Variants in IRS1 observed in about 807,000 individuals in gnomAD.
The protein encoded by IRS1 is insulin receptor substrate 1.
In IRS1, 34 loss-of-function variants were observed where a neutral mutation model predicts 65.6. The observed-to-expected ratio is 0.52, with a 90% CI of 0.39 to 0.69. The LOEUF (loss-of-function observed/expected upper bound fraction) is 0.69, where lower values mean the gene tolerates loss of function less well. Among genes scored for constraint, IRS1 ranks in the 30% least tolerant of loss-of-function variants. IRS1 has a pLI of 0.00. For synonymous variants in IRS1, 699 were observed against 683.5 expected, an observed-to-expected ratio of 1.02 and a Z score of -0.35; for missense variants, 1,641 against 1,720.2, an observed-to-expected ratio of 0.95 and a Z score of 0.81.
intron 1 of IRS1, among the ~76,000 whole-genome samples, chr2:226,752,744 T>C (rs1368084708): frequency 1.3e-5 from 2 of 152,216 alleles, no homozygotes; most frequent in African/African-American, 4.8e-5. Flanking sequence ...GAGAATGTAG[T>C]ATGTAACCTT....
At chr2:226,789,416 T>TAA in intron 1 of IRS1, among the ~76,000 whole-genome samples, 2 of 152,214 alleles carry the variant, frequency 1.3e-5, no homozygotes, top group Non-Finnish European at 2.9e-5. Flanking sequence ...ACAAAAAATC[T>TAA]GGACAACACT....
At chr2:226,775,803 T>C (rs1407056394) in intron 1 of IRS1, among the ~76,000 whole-genome samples, 3 of 152,244 alleles carry the variant, frequency 2.0e-5, no homozygotes, top group African/African-American at 7.2e-5. Context: ...TCCGGTATAC[T>C]GTAAATCATC....
chr2:226,785,693 C>T (rs1211416940), intron 1 of IRS1, among the ~76,000 whole-genome samples: 2 of 152,202 alleles, frequency 1.3e-5, no homozygotes, highest in Middle Eastern at 3.4e-3. Flanking sequence ...ATTTTTTAAC[C>T]TATGCTTTTC....
At chr2:226,758,583 A>G (rs1938849682) in intron 1 of IRS1, among the ~76,000 whole-genome samples, 1 of 152,220 alleles carries the variant, frequency 6.6e-6, no homozygotes, top group African/African-American at 2.4e-5. Flanking sequence ...GATATAATAT[A>G]GAAATAATTA....
chr2:226,763,675 T>C (rs1938966738), intron 1 of IRS1, among the ~76,000 whole-genome samples: 1 of 152,202 alleles, frequency 6.6e-6, no homozygotes, highest in African/African-American at 2.4e-5. Context: ...CTGGCCTTTC[T>C]CTCTTGGTTT....
At chr2:226,761,449 T>C (rs1285339680) in intron 1 of IRS1, among the ~76,000 whole-genome samples, 1 of 152,072 alleles carries the variant, frequency 6.6e-6, no homozygotes, top group Admixed American at 6.6e-5. Context: ...TATACCAACT[T>C]CCAAGAGCTC....
chr2:226,750,538 A>G (rs1212694196), intron 1 of IRS1, among the ~76,000 whole-genome samples: 1 of 152,206 alleles, frequency 6.6e-6, no homozygotes, highest in Non-Finnish European at 1.5e-5. Context: ...AGACCCAAAA[A>G]TGTCTTCAGT....
At chr2:226,776,286 C>T (rs923762387) in intron 1 of IRS1, among the ~76,000 whole-genome samples, 42 of 147,720 alleles carry the variant, frequency 2.8e-4, no homozygotes, top group Non-Finnish European at 5.5e-4. Flanking sequence ...GCCATGAGTC[C>T]ATACTAATAT....
At chr2:226,790,138 T>C (rs1574661068) in intron 1 of IRS1, among the ~76,000 whole-genome samples, 1 of 152,174 alleles carries the variant, frequency 6.6e-6, no homozygotes, top group East Asian at 1.9e-4. Context: ...CAAAGGAGGT[T>C]AGAATAATTT....
Position 226,798,842 on chromosome 2 carries a change from G to A in IRS1, c.-104C>T, listed in dbSNP as rs922782421. On this transcript the variant is annotated 5_prime_UTR_variant, in exon 1 of 2. Transcript: ENST00000305123. This position sits in a 1 kb window ranked among gnomAD's most constrained non-coding sequence, Gnocchi z 9.4. The stretch of plus-strand genomic sequence containing the variant: ...CGGCCCGGCACATGCAAACAGGGCT[G>A]GAGGCAGCAGAAACCCCGACTCTGA... 6 of 1,540,472 alleles carry A rather than the reference G, an allele frequency of 3.9e-6. No individual in the cohort carries two copies. The highest frequency in any genetic ancestry group is 5.3e-6 in the Non-Finnish European group (6 of 1,142,646).
intron 1 of IRS1, among the ~76,000 whole-genome samples, chr2:226,759,352 C>A (rs1313338467): frequency 2.0e-5 from 3 of 152,150 alleles, no homozygotes; most frequent in Non-Finnish European, 1.5e-5. Context: ...AATATAGTAC[C>A]AGCACTTAAT....
In IRS1 at chr2:226,796,690, G is replaced by A. The variant is rs1222729121; in HGVS notation, c.2049C>T (p.Ser683=). The change falls in exon 1 of 2, where the codon AGC becomes AGT. Residue 683 remains serine (S), a synonymous_variant. Transcript: ENST00000305123. ...CGGAAGGGACGGCGTTGCTGCTGCTGCTGCTGCTGCTGGGGCCACCTCCAA... is the reference window on the plus strand; with the variant it reads ...CGGAAGGGACGGCGTTGCTGCTGCTACTGCTGCTGCTGGGGCCACCTCCAA... ...PDIGGGPSSS[S]SSSNAVPSGT... The A allele has an allele frequency of 6.2e-7, 1 of 1,613,900 alleles. No homozygotes were observed. The highest frequency in any genetic ancestry group is 1.7e-5 in the Admixed American group (1 of 60,026).
At position 226,732,628 on chromosome 2, in the gene IRS1, CG is replaced by C. The variant is rs1304739589; in HGVS notation, c.*3643del. On this transcript the variant is annotated 3_prime_UTR_variant, in exon 2 of 2. Coordinates refer to ENST00000305123, the MANE Select transcript of IRS1 (RefSeq NM_005544.3). ...TATACACACACACATCCCACACACACGTCACATATATATACACACACACAAA... is the reference window on the plus strand; with the variant it reads ...TATACACACACACATCCCACACACACTCACATATATATACACACACACAAA... 1 of 150,198 alleles carries C rather than the reference CG, an allele frequency of 6.7e-6. No individual in the cohort carries two copies. The highest frequency in any genetic ancestry group is 2.5e-5 in the African/African-American group (1 of 40,722). The allele number at this position is 150,198 out of a possible 1,614,324, so 9.3% of individuals were successfully genotyped here. A position where few individuals can be genotyped will look rare whatever the true frequency, so the allele number is the denominator to read the frequency against.
chr2:226,742,725 A>G (rs1248638133), intron 1 of IRS1, among the ~76,000 whole-genome samples: 1 of 151,962 alleles, frequency 6.6e-6, no homozygotes, highest in Non-Finnish European at 1.5e-5. Flanking sequence ...AAAAAAAAAA[A>G]AAGAAGACCG....
intron 1 of IRS1, among the ~76,000 whole-genome samples, chr2:226,750,558 C>A (rs979219355): frequency 6.6e-6 from 1 of 152,178 alleles, no homozygotes; most frequent in South Asian, 2.1e-4. Context: ...TGACTACAAA[C>A]GTATTGTAAA....
rs774455090 is a variant in IRS1 at position 226,796,629 on chromosome 2, C to G, written c.2110G>C (p.Gly704Arg). Residue 704 changes from glycine to arginine, a missense_variant, in exon 1 of 2, where the codon GGG (glycine) becomes CGG (arginine). Around this residue, in one of 3 missense-constraint regions of IRS1, gnomAD observed 1,324 missense variants for 1,361.0 expected, o/e 0.97. Transcript: ENST00000305123. Reference sequence around the variant, plus strand: ...GGCAAGACATGAGAGTGGTGGCCCCCTACCCCGTTTGTCCACAGCTTTCCA... The same window carrying G: ...GGCAAGACATGAGAGTGGTGGCCCCGTACCCCGTTTGTCCACAGCTTTCCA... ...SYGKLWTNGV[G>R]GHHSHVLPHP... The G allele has an allele frequency of 2.2e-5, 36 of 1,613,832 alleles. No individual in the cohort carries two copies. Among genetic ancestry groups the G allele is most frequent in the Non-Finnish European group, 3.1e-5 (36 of 1,179,902 alleles).
At position 226,751,241 on chromosome 2, in the gene IRS1, T is replaced by C. The variant is rs1938671581; in HGVS notation, c.*22-14991A>G. On this transcript the variant is annotated intron_variant, in intron 1 of 1. Transcript: ENST00000305123. ...AGAGGACATTGGGGGAAAACTACAA[T>C]AGTTAGAATTCCTTAAAAGACTCCA... 2.7e-5 allele frequency among the ~76,000 whole-genome samples: 4 copies of C among 149,798 alleles called. No homozygotes were observed. In the South Asian group the frequency reaches 6.3e-4, roughly 24 times the overall value.
intron 1 of IRS1, among the ~76,000 whole-genome samples, chr2:226,739,647 G>T (rs1475782035): frequency 6.6e-6 from 1 of 152,170 alleles, no homozygotes; most frequent in Non-Finnish European, 1.5e-5. Flanking sequence ...TACAACACTT[G>T]CTCTGATGAG....
At chr2:226,744,541 G>A (rs369403326) in intron 1 of IRS1, among the ~76,000 whole-genome samples, 19 of 152,242 alleles carry the variant, frequency 1.2e-4, no homozygotes, top group Non-Finnish European at 1.9e-4. Context: ...GTTAGGAACC[G>A]GGCTCCACAG....
Sources: gnomAD v4.1 joint callset for allele counts (sites outside exome capture counted in the v4.1 genomes callset) on GRCh38, gnomAD v4.1.1 for gene constraint, gnomAD v4.1.1 regional missense constraint, Gnocchi (gnomAD v3.1) non-coding constraint, MANE v1.5 for transcripts, NCBI Gene and HGNC (gene_info 2026-07-23, HGNC 2026-07-21) for gene names.